The following FAM90A20 variants were observed in gnomAD, a reference collection of about 807,000 sequenced individuals.
The protein encoded by FAM90A20 is protein FAM90A20.
At chr8:7,297,789 A>G in the FAM90A20 span, 363 of 1,312,074 alleles carry the variant, frequency 2.8e-4, 22 homozygotes, top group South Asian at 3.0e-3. Context: ...GCCAGCCATG[A>G]TGGGGCCCAG....
the FAM90A20 span, chr8:7,297,811 G>T: frequency 1.7e-6 from 2 of 1,167,472 alleles, no homozygotes; most frequent in Non-Finnish European, 2.5e-6. Flanking sequence ...CTCTCAGAGT[G>T]CTCTTCCGGA....
At chr8:7,296,698 A>G in the FAM90A20 span, among the ~76,000 whole-genome samples, 1 of 135,622 alleles carries the variant, frequency 7.4e-6, no homozygotes, top group Non-Finnish European at 1.5e-5. Flanking sequence ...ACCCAGGAAC[A>G]TGCATGTGTT....
At chr8:7,297,150 C>G in the FAM90A20 span, 5 of 1,528,346 alleles carry the variant, frequency 3.3e-6, no homozygotes, top group South Asian at 3.4e-5. Context: ...ACCGAAATGT[C>G]TGGCAGGGGC....
chr8:7,296,204 G>T, the FAM90A20 span: 1 of 657,314 alleles, frequency 1.5e-6, no homozygotes, highest in Non-Finnish European at 2.8e-6. Flanking sequence ...CACAAGACAC[G>T]GAATGGGGCT....
the FAM90A20 span, chr8:7,295,783 C>T: frequency 2.4e-6 from 3 of 1,254,206 alleles, 1 homozygote; most frequent in Middle Eastern, 2.6e-4. Context: ...TTGAAGCCAA[C>T]CCGGGGCCCT....
the FAM90A20 span, chr8:7,296,332 G>A: frequency 1.9e-5 from 14 of 742,670 alleles, no homozygotes; most frequent in Non-Finnish European, 2.9e-5. Flanking sequence ...CATGTTTTCC[G>A]GGAAACCTCC....
the FAM90A20 span, chr8:7,297,184 C>G: frequency 6.5e-7 from 1 of 1,538,792 alleles, no homozygotes; most frequent in Non-Finnish European, 8.8e-7. Flanking sequence ...CACTGTCTCC[C>G]CTCAGAAAAG....
chr8:7,296,750 T>A, the FAM90A20 span, among the ~76,000 whole-genome samples: 5 of 135,846 alleles, frequency 3.7e-5, 2 homozygotes, highest in African/African-American at 1.7e-4. Flanking sequence ...CCAACCTGCC[T>A]TCGGAAAGCC....
the FAM90A20 span, chr8:7,297,753 C>A: frequency 3.4e-6 from 5 of 1,479,702 alleles, no homozygotes; most frequent in South Asian, 1.1e-5. Flanking sequence ...ACTGCCCAGG[C>A]CTGCACCATG....
At chr8:7,295,460 GC>G in the FAM90A20 span, among the ~76,000 whole-genome samples, 348 of 109,454 alleles carry the variant, frequency 3.2e-3, 85 homozygotes, top group African/African-American at 0.021. Flanking sequence ...CACGGGCTTT[GC>G]GAGGGAACAT....
the FAM90A20 span, chr8:7,296,373 C>T: frequency 6.7e-6 from 5 of 744,720 alleles, no homozygotes; most frequent in Non-Finnish European, 1.2e-5. Flanking sequence ...GAAAAGGATC[C>T]ACGGAATCTT....
chr8:7,296,423 C>G, the FAM90A20 span: 2 of 728,794 alleles, frequency 2.7e-6, no homozygotes, highest in Admixed American at 1.8e-5. Flanking sequence ...GGCCCCTGGT[C>G]CTTTTATCCT....
At chr8:7,297,700 C>T in the FAM90A20 span, 1 of 1,429,682 alleles carries the variant, frequency 7.0e-7, no homozygotes, top group Non-Finnish European at 9.5e-7. Flanking sequence ...CCCAGGTGCC[C>T]AGCGTTGAAC....
chr8:7,297,280 C>A, the FAM90A20 span: 4 of 1,370,710 alleles, frequency 2.9e-6, no homozygotes, highest in East Asian at 2.3e-5. Context: ...CAGTCAGGCA[C>A]CAGGTCCACG....
chr8:7,295,617 C>T, the FAM90A20 span: 2,069 of 651,868 alleles, frequency 3.2e-3, 234 homozygotes, highest in Non-Finnish European at 4.9e-3. Context: ...ACATCACTTC[C>T]TTTCCACCCA....
chr8:7,295,772 G>A, the FAM90A20 span: 17 of 1,301,454 alleles, frequency 1.3e-5, 2 homozygotes, highest in South Asian at 1.8e-4. Flanking sequence ...GAAGCCTGGG[G>A]TTGAAGCCAA....
the FAM90A20 span, chr8:7,296,413 G>T: frequency 2.7e-6 from 2 of 737,706 alleles, no homozygotes; most frequent in Non-Finnish European, 2.5e-6. Context: ...TGTCACCCCG[G>T]GCCCCTGGTC....
At chr8:7,297,390 T>C in the FAM90A20 span, 1,986 of 1,524,642 alleles carry the variant, frequency 1.3e-3, 316 homozygotes, top group African/African-American at 0.017. Context: ...CTCCAGGCCG[T>C]CAGAACCCAG....
chr8:7,296,683 G>A, the FAM90A20 span, among the ~76,000 whole-genome samples: 1 of 135,496 alleles, frequency 7.4e-6, no homozygotes, highest in East Asian at 2.0e-4. Flanking sequence ...CGTGGAGAAG[G>A]CTAAACCCAG....
Sources: allele counts gnomAD v4.1 joint callset (sites outside exome capture counted in the v4.1 genomes callset), GRCh38; gene constraint gnomAD v4.1.1; transcripts MANE v1.5; gene names NCBI Gene and HGNC (gene_info 2026-07-23, HGNC 2026-07-21).